PCDHGA6: variants seen among roughly 807,000 people sequenced by gnomAD.
PCDHGA6 encodes protocadherin gamma-A6.
PCDHGA6 carries 41 observed loss-of-function variants against 60.6 expected under a neutral mutation model. The ratio of observed to expected loss-of-function variants is 0.68; its 90% confidence interval spans 0.53 to 0.88. PCDHGA6 has a LOEUF of 0.88. Among genes scored for constraint, PCDHGA6 ranks in the 40% least tolerant of loss-of-function variants. The pLI, the probability that PCDHGA6 is intolerant of heterozygous loss-of-function variation, is 0.00. For missense variants in PCDHGA6, 1,312 were observed against 1,203.0 expected (o/e 1.09, Z -1.34); for synonymous variants, 594 against 524.4 (o/e 1.13, Z -1.81).
At position 141,432,952 on chromosome 5, in the gene PCDHGA6, C is replaced by G. The variant is rs2097553312; in HGVS notation, c.2424+56445C>G. ...GCCTGCTGCAGGCTTCAGGAGGCGGCTTGACAGGAGCGCCGGCGTCGCACT... is the reference window on the plus strand; with the variant it reads ...GCCTGCTGCAGGCTTCAGGAGGCGGGTTGACAGGAGCGCCGGCGTCGCACT... On this transcript the variant is annotated intron_variant, in intron 1 of 3. Transcript: ENST00000517434. The surrounding 1 kb of genome is among the most constrained non-coding windows in gnomAD (Gnocchi z 6.0). 1 of 1,614,086 alleles carries G rather than the reference C, an allele frequency of 6.2e-7. No individual in the cohort carries two copies. Among genetic ancestry groups the G allele is most frequent in the South Asian group, 1.1e-5 (1 of 91,090 alleles).
chr5:141,485,358 G>T lies in PCDHGA6; in HGVS notation c.2425-9449G>T. 1.2e-6 allele frequency: 2 copies of T among 1,614,100 alleles called. No individual in the cohort carries two copies. Among genetic ancestry groups the T allele is most frequent in the Non-Finnish European group, 1.7e-6 (2 of 1,180,006 alleles). On this transcript the variant is annotated intron_variant, in intron 1 of 3. Coordinates refer to ENST00000517434, the MANE Select transcript of PCDHGA6 (RefSeq NM_018919.3). This position sits in a 1 kb window ranked among gnomAD's most constrained non-coding sequence, Gnocchi z 5.7. ...CTGGATACGGACAGTCTGTCAGCTC[G>T]CAGGCTGCAGGTCGCTGGAGAGGTG...
intron 1 of PCDHGA6, chr5:141,409,361 G>A (rs754448763): frequency 6.2e-7 from 1 of 1,613,964 alleles, no homozygotes; most frequent in Non-Finnish European, 8.5e-7. Flanking sequence ...GTGTAATATA[G>A]AAACAGACAT....
At chr5:141,393,912 G>A (rs1430302094) in intron 1 of PCDHGA6, 1 of 1,613,924 alleles carries the variant, frequency 6.2e-7, no homozygotes. Context: ...GACAGTAATT[G>A]CCTTCTTGAG....
At chr5:141,498,919 C>A (rs897611505) in intron 2 of PCDHGA6, among the ~76,000 whole-genome samples, 1 of 122,240 alleles carries the variant, frequency 8.2e-6, no homozygotes. Context: ...GGTGACAGAG[C>A]GAGACTCCAT....
At chr5:141,467,514 T>C (rs2154569535) in intron 1 of PCDHGA6, among the ~76,000 whole-genome samples, 1 of 152,362 alleles carries the variant, frequency 6.6e-6, no homozygotes, top group South Asian at 2.1e-4. Flanking sequence ...TTGGAGTTTA[T>C]TCTTTTGTGT....
chr5:141,405,838 T>C (rs1561702145), intron 1 of PCDHGA6, among the ~76,000 whole-genome samples: 4 of 152,300 alleles, frequency 2.6e-5, no homozygotes, highest in Admixed American at 2.0e-4. Flanking sequence ...TAGTATAAGT[T>C]GATATCAGTG....
At chr5:141,420,215 A>G in intron 1 of PCDHGA6, 2 of 1,612,096 alleles carry the variant, frequency 1.2e-6, no homozygotes, top group South Asian at 1.1e-5. Context: ...CAAAGATAGC[A>G]TGCTACTGGC....
Position 141,490,520 on chromosome 5 carries a change from G to A in PCDHGA6, c.2425-4287G>A. 1 of 1,614,072 alleles carries A rather than the reference G, an allele frequency of 6.2e-7. No individual in the cohort carries two copies. Among genetic ancestry groups the A allele is most frequent in the Non-Finnish European group, 8.5e-7 (1 of 1,180,014 alleles). ...CACTATATCATCGAGCTGCTGGCCAGCGATGCTGGTTCACCTTCCCTACAC... is the reference window on the plus strand; with the variant it reads ...CACTATATCATCGAGCTGCTGGCCAACGATGCTGGTTCACCTTCCCTACAC... On this transcript the variant is annotated intron_variant, in intron 1 of 3. Coordinates refer to ENST00000517434, the MANE Select transcript of PCDHGA6 (RefSeq NM_018919.3). The surrounding 1 kb of genome is among the most constrained non-coding windows in gnomAD (Gnocchi z 5.4).
chr5:141,487,826 T>C lies in PCDHGA6; in HGVS notation c.2425-6981T>C, dbSNP rs1321152837. 24 of 1,187,814 alleles carry C rather than the reference T, an allele frequency of 2.0e-5. No homozygotes were observed. The highest frequency in any genetic ancestry group is 2.8e-5 in the Non-Finnish European group (24 of 856,356). The allele number at this position is 1,187,814 out of a possible 1,614,324, so 73.6% of individuals were successfully genotyped here. On this transcript the variant is annotated intron_variant, in intron 1 of 3. Coordinates refer to ENST00000517434, the MANE Select transcript of PCDHGA6 (RefSeq NM_018919.3). The surrounding 1 kb of genome is among the most constrained non-coding windows in gnomAD (Gnocchi z 5.0). ...ACAGTTTAGCATTGGGGGCGGGTCA[T>C]GCCTATATCTGAGTAAGAAATGAAA... is the stretch of plus-strand genomic sequence containing the variant.
In PCDHGA6 at chr5:141,393,830, T is replaced by C. The variant is rs926004105; in HGVS notation, c.2424+17323T>C. The C allele has an allele frequency of 1.7e-5, 27 of 1,613,872 alleles. No homozygotes were observed. In the African/African-American group the frequency reaches 3.2e-4, roughly 19 times the overall value. On this transcript the variant is annotated intron_variant, in intron 1 of 3. Coordinates refer to ENST00000517434, the MANE Select transcript of PCDHGA6 (RefSeq NM_018919.3). ...CCAAATTGCTCATTTCGGTGGAAGA[T>C]GTAAATGACAATAGACCAGAAGTGA... is the stretch of plus-strand genomic sequence containing the variant.
rs1032445242 is a variant in PCDHGA6 at position 141,487,571 on chromosome 5, G to C, written c.2425-7236G>C. The C allele has an allele frequency of 6.2e-7, 1 of 1,614,060 alleles. No homozygotes were observed. The highest frequency in any genetic ancestry group is 8.5e-7 in the Non-Finnish European group (1 of 1,180,046). ...CAGTGCACCTATGGCAGGGGAGCCTGTTCGCCCAAGCTGCCCACCCTCTGA... is the reference window on the plus strand; with the variant it reads ...CAGTGCACCTATGGCAGGGGAGCCTCTTCGCCCAAGCTGCCCACCCTCTGA... On this transcript the variant is annotated intron_variant, in intron 1 of 3. Transcript: ENST00000517434. This position sits in a 1 kb window ranked among gnomAD's most constrained non-coding sequence, Gnocchi z 5.0.
At chr5:141,470,723 G>T (rs1326927605) in intron 1 of PCDHGA6, among the ~76,000 whole-genome samples, 1 of 151,852 alleles carries the variant, frequency 6.6e-6, no homozygotes, top group East Asian at 1.9e-4. Flanking sequence ...TTTGAGTCAG[G>T]GTCTTGCTCT....
intron 1 of PCDHGA6, chr5:141,409,917 C>G: frequency 6.2e-7 from 1 of 1,613,376 alleles, no homozygotes; most frequent in South Asian, 1.1e-5. Flanking sequence ...CCTGACGGCT[C>G]CGCGTTCTTC....
chr5:141,459,989 A>G (rs2098979714), intron 1 of PCDHGA6, among the ~76,000 whole-genome samples: 1 of 152,204 alleles, frequency 6.6e-6, no homozygotes, highest in Non-Finnish European at 1.5e-5. Flanking sequence ...GAGACAGGAG[A>G]ATCGCTTGAA....
At chr5:141,394,611 C>A (rs774009952) in intron 1 of PCDHGA6, 1 of 1,613,420 alleles carries the variant, frequency 6.2e-7, no homozygotes, top group Non-Finnish European at 8.5e-7. Flanking sequence ...AGACTCGGGC[C>A]AGAACGCCTG....
chr5:141,465,519 T>C (rs2099104752), intron 1 of PCDHGA6, among the ~76,000 whole-genome samples: 1 of 152,224 alleles, frequency 6.6e-6, no homozygotes, highest in East Asian at 1.9e-4. Context: ...GGAAGGATTC[T>C]GGGGAAGTTT....
At position 141,477,284 on chromosome 5, in the gene PCDHGA6, G is replaced by A. The variant is rs751714522; in HGVS notation, c.2425-17523G>A. 5.0e-6 allele frequency: 8 copies of A among 1,614,150 alleles called. No homozygotes were observed. The South Asian group carries it at 6.6e-5, about 13-fold the overall frequency. ...TGGCGAGAACGGGCTGGTGACCTGC[G>A]AAGTTCCACCGGGTCTCCCTTTCAG... On this transcript the variant is annotated intron_variant, in intron 1 of 3. Transcript: ENST00000517434. This position sits in a 1 kb window ranked among gnomAD's most constrained non-coding sequence, Gnocchi z 4.9.
intron 1 of PCDHGA6, chr5:141,384,126 C>T (rs749225079): frequency 1.9e-6 from 3 of 1,610,938 alleles, no homozygotes; most frequent in Non-Finnish European, 2.5e-6. Context: ...CAACCAAAAA[C>T]TTGGACCGGG....
chr5:141,431,867 A>C lies in PCDHGA6; in HGVS notation c.2424+55360A>C. On this transcript the variant is annotated intron_variant, in intron 1 of 3. Transcript: ENST00000517434. The surrounding 1 kb of genome is among the most constrained non-coding windows in gnomAD (Gnocchi z 4.8). ...CAGAGGGACATTAATTGCCCTTTTA[A>C]ATGTAAATGACCAAGATTCTGAGGA... 6.2e-7 allele frequency: 1 copy of C among 1,614,226 alleles called. No individual in the cohort carries two copies. Among genetic ancestry groups the C allele is most frequent in the Non-Finnish European group, 8.5e-7 (1 of 1,180,024 alleles).
Sources: allele counts gnomAD v4.1 joint callset (sites outside exome capture counted in the v4.1 genomes callset), GRCh38; gene constraint gnomAD v4.1.1; non-coding constraint Gnocchi (gnomAD v3.1); transcripts MANE v1.5; gene names NCBI Gene and HGNC (gene_info 2026-07-23, HGNC 2026-07-21).